GABRG3: variants seen among roughly 807,000 people sequenced by gnomAD.
GABRG3 encodes the protein gamma-aminobutyric acid type A receptor subunit gamma3.
In GABRG3, 25 loss-of-function variants were observed where a neutral mutation model predicts 48.8. That is an observed-to-expected ratio of 0.51 (90% CI 0.37 to 0.72). The LOEUF is 0.72. GABRG3 is among the 30% of genes least tolerant of loss of function. The pLI is 0.00. For missense variants in GABRG3, 394 were observed against 577.9 expected (o/e 0.68, Z 3.26); for synonymous variants, 227 against 217.6 (o/e 1.04, Z -0.38).
chr15:27,214,608 G>A (rs528744813), intron 3 of GABRG3, among the ~76,000 whole-genome samples: 343 of 151,996 alleles, frequency 2.3e-3, no homozygotes, highest in Non-Finnish European at 3.5e-3. Context: ...TTAAATGCAG[G>A]TTCCTCATCT....
At chr15:27,391,200 T>C (rs192277702) in intron 5 of GABRG3, among the ~76,000 whole-genome samples, 1 of 152,304 alleles carries the variant, frequency 6.6e-6, no homozygotes, top group Admixed American at 6.5e-5. Flanking sequence ...ATAGCTTCTC[T>C]TTTAATATTT....
At chr15:27,487,113 A>G (rs547920305) in intron 6 of GABRG3, among the ~76,000 whole-genome samples, 29 of 152,318 alleles carry the variant, frequency 1.9e-4, no homozygotes, top group African/African-American at 7.0e-4. Context: ...AGATTGAGTG[A>G]AAAATCTTTC....
chr15:27,077,262 A>G (rs937591073), intron 3 of GABRG3, among the ~76,000 whole-genome samples: 4 of 152,218 alleles, frequency 2.6e-5, no homozygotes, highest in African/African-American at 9.6e-5. Context: ...GTTATGTTTC[A>G]TTAGCAGAGC....
chr15:27,500,755 G>C (rs1410252386), intron 6 of GABRG3, among the ~76,000 whole-genome samples: 1 of 151,858 alleles, frequency 6.6e-6, no homozygotes, highest in Non-Finnish European at 1.5e-5. Context: ...GCAGTGTTCA[G>C]TACCACAGTC....
intron 3 of GABRG3, among the ~76,000 whole-genome samples, chr15:27,293,947 T>C (rs1349149567): frequency 6.6e-6 from 1 of 152,068 alleles, no homozygotes; most frequent in Non-Finnish European, 1.5e-5. Context: ...ATAAGAAAAG[T>C]ATAAGGTATG....
chr15:27,193,749 A>G (rs1888408135), intron 3 of GABRG3, among the ~76,000 whole-genome samples: 1 of 152,018 alleles, frequency 6.6e-6, no homozygotes, highest in East Asian at 1.9e-4. Context: ...ACTGTCTGGC[A>G]CTCCCTAGTG....
intron 3 of GABRG3, among the ~76,000 whole-genome samples, chr15:27,317,921 C>CT (rs1269351289): frequency 1.3e-5 from 2 of 152,092 alleles, no homozygotes; most frequent in Non-Finnish European, 2.9e-5. Flanking sequence ...CAAACACTCA[C>CT]TGCATTCAAA....
chr15:27,084,386 C>CAAGGTG (rs2140747623), intron 3 of GABRG3, among the ~76,000 whole-genome samples: 1 of 152,298 alleles, frequency 6.6e-6, no homozygotes, highest in African/African-American at 2.4e-5. Context: ...TGGCAAGGTG[C>CAAGGTG]CTCCAAATGG....
At chr15:27,126,490 C>T (rs1897823175) in intron 3 of GABRG3, among the ~76,000 whole-genome samples, 1 of 152,160 alleles carries the variant, frequency 6.6e-6, no homozygotes, top group African/African-American at 2.4e-5. Context: ...GAGGGCACTT[C>T]CTGGCTGTGG....
chr15:27,104,600 C>T (rs575763686), intron 3 of GABRG3, among the ~76,000 whole-genome samples: 1 of 152,284 alleles, frequency 6.6e-6, no homozygotes, highest in African/African-American at 2.4e-5. Flanking sequence ...TGGCTTAGGT[C>T]GCCTGGCCTC....
At chr15:27,106,548 C>A (rs939589366) in intron 3 of GABRG3, among the ~76,000 whole-genome samples, 1 of 151,660 alleles carries the variant, frequency 6.6e-6, no homozygotes, top group Non-Finnish European at 1.5e-5. Flanking sequence ...CAAGAAGAAT[C>A]CAAAGCAGGC....
chr15:27,487,843 T>C (rs1219882045), intron 6 of GABRG3, among the ~76,000 whole-genome samples: 2 of 152,216 alleles, frequency 1.3e-5, no homozygotes, highest in Non-Finnish European at 2.9e-5. Context: ...AATATCGCCA[T>C]GCTGAAGATG....
chr15:26,981,680 C>T (rs1895057353), intron 2 of GABRG3, among the ~76,000 whole-genome samples: 1 of 152,196 alleles, frequency 6.6e-6, no homozygotes, highest in African/African-American at 2.4e-5. Flanking sequence ...ATGCACTGGC[C>T]TTGTGGTGAC....
At chr15:27,093,596 G>A (rs561039328) in intron 3 of GABRG3, among the ~76,000 whole-genome samples, 20 of 152,188 alleles carry the variant, frequency 1.3e-4, no homozygotes, top group East Asian at 5.8e-4. Flanking sequence ...ATGCATGGTC[G>A]TAGCTATGAT....
intron 3 of GABRG3, among the ~76,000 whole-genome samples, chr15:27,286,410 C>A (rs1566994481): frequency 6.6e-6 from 1 of 152,194 alleles, no homozygotes; most frequent in East Asian, 1.9e-4. Flanking sequence ...CAAACAGTTT[C>A]ATCTTCTTCC....
chr15:27,517,463 G>A (rs1335941704), intron 6 of GABRG3, among the ~76,000 whole-genome samples: 1 of 152,228 alleles, frequency 6.6e-6, no homozygotes, highest in Non-Finnish European at 1.5e-5. Context: ...AATTAGGCAA[G>A]GGAGTATACT....
At chr15:27,253,599 A>G (rs1271558622) in intron 3 of GABRG3, among the ~76,000 whole-genome samples, 1 of 152,236 alleles carries the variant, frequency 6.6e-6, no homozygotes, top group Non-Finnish European at 1.5e-5. Context: ...CCTCTGGCTT[A>G]AGCATCCTCT....
At chr15:27,171,844 C>G (rs1209390899) in intron 3 of GABRG3, among the ~76,000 whole-genome samples, 1 of 152,050 alleles carries the variant, frequency 6.6e-6, no homozygotes, top group Admixed American at 6.5e-5. Context: ...TTTTCTACGA[C>G]TGTAATAGAA....
intron 5 of GABRG3, chr15:27,341,114 C>T (rs1894160901): frequency 3.2e-6 from 1 of 311,900 alleles, no homozygotes; most frequent in East Asian, 7.5e-5. Flanking sequence ...TTATCTAGTT[C>T]CAGATTTTTG....
Sources: allele counts gnomAD v4.1 joint callset (sites outside exome capture counted in the v4.1 genomes callset), GRCh38; gene constraint gnomAD v4.1.1; transcripts MANE v1.5; gene names NCBI Gene and HGNC (gene_info 2026-07-23, HGNC 2026-07-21).